The following STXBP5L variants were observed in gnomAD, a reference collection of about 807,000 sequenced individuals.
STXBP5L encodes the protein syntaxin-binding protein 5-like.
Under a neutral mutation model 144.5 loss-of-function variants are expected in STXBP5L, and 65 were observed. The ratio of observed to expected loss-of-function variants is 0.45; its 90% CI spans 0.37 to 0.55. STXBP5L has a LOEUF of 0.55. Among genes scored for constraint, STXBP5L ranks in the 20% least tolerant of loss-of-function variants. The pLI is 0.00. For synonymous variants in STXBP5L, 505 were observed against 469.6 expected, an observed-to-expected ratio of 1.08 and a Z score of -0.97; for missense variants, 1,298 against 1,405.5, an observed-to-expected ratio of 0.92 and a Z score of 1.22.
intron 2 of STXBP5L, among the ~76,000 whole-genome samples, chr3:120,922,452 T>A (rs578203058): frequency 2.0e-5 from 3 of 152,026 alleles, no homozygotes; most frequent in Non-Finnish European, 4.4e-5. Flanking sequence ...GATACCCCTT[T>A]ATTTTTTTCT....
chr3:121,007,202 G>C (rs1049599390), intron 3 of STXBP5L, among the ~76,000 whole-genome samples: 3 of 152,006 alleles, frequency 2.0e-5, no homozygotes, highest in African/African-American at 7.2e-5. Context: ...ATTTTGAATA[G>C]ATATTGAAGT....
At chr3:121,146,095 C>G (rs2045703081) in intron 7 of STXBP5L, among the ~76,000 whole-genome samples, 1 of 152,018 alleles carries the variant, frequency 6.6e-6, no homozygotes, top group African/African-American at 2.4e-5. Context: ...CAAACACAGA[C>G]TAAATTACAA....
intron 3 of STXBP5L, among the ~76,000 whole-genome samples, chr3:120,977,719 A>G (rs1172516363): frequency 5.3e-5 from 8 of 151,924 alleles, no homozygotes; most frequent in African/African-American, 1.9e-4. Context: ...TTCCTTCAGG[A>G]GCTCTTTTAG....
intron 18 of STXBP5L, among the ~76,000 whole-genome samples, chr3:121,276,850 T>C (rs1468691427): frequency 1.3e-5 from 2 of 151,922 alleles, no homozygotes; most frequent in Admixed American, 1.3e-4. Flanking sequence ...CTTGGGATCT[T>C]TAAGTTTCTA....
chr3:120,911,921 C>T (rs1559866591), intron 2 of STXBP5L, among the ~76,000 whole-genome samples: 1 of 151,962 alleles, frequency 6.6e-6, no homozygotes, highest in Non-Finnish European at 1.5e-5. Flanking sequence ...GACTCATAGA[C>T]TCCCTGATTA....
chr3:121,367,752 G>T (rs993269458), intron 20 of STXBP5L, among the ~76,000 whole-genome samples: 1 of 148,158 alleles, frequency 6.7e-6, no homozygotes, highest in Non-Finnish European at 1.5e-5. Context: ...GGGACTGTAG[G>T]CATTTGCCAC....
At chr3:120,950,712 G>C (rs1711163810) in intron 2 of STXBP5L, among the ~76,000 whole-genome samples, 1 of 152,098 alleles carries the variant, frequency 6.6e-6, no homozygotes, top group African/African-American at 2.4e-5. Context: ...TCAATATCGT[G>C]AAAATGGCCA....
chr3:121,085,654 C>G (rs756081160), intron 5 of STXBP5L, among the ~76,000 whole-genome samples: 66 of 152,164 alleles, frequency 4.3e-4, no homozygotes, highest in Middle Eastern at 3.2e-3. Flanking sequence ...CTACAAACCA[C>G]TGCTCAAGGA....
chr3:121,105,741 T>C (rs1474515234), intron 5 of STXBP5L, among the ~76,000 whole-genome samples: 1 of 152,130 alleles, frequency 6.6e-6, no homozygotes, highest in Non-Finnish European at 1.5e-5. Context: ...TGAAACTCAA[T>C]AGAACCTGTG....
At chr3:121,061,832 T>C (rs1369798201) in intron 5 of STXBP5L, among the ~76,000 whole-genome samples, 1 of 152,218 alleles carries the variant, frequency 6.6e-6, no homozygotes, top group Admixed American at 6.5e-5. Context: ...TAAATGTTCC[T>C]CCATCCCTTT....
intron 20 of STXBP5L, among the ~76,000 whole-genome samples, chr3:121,368,530 CTCTT>C (rs2045932899): frequency 6.6e-6 from 1 of 151,480 alleles, no homozygotes; most frequent in Non-Finnish European, 1.5e-5. Flanking sequence ...CCTTCCCTGT[CTCTT>C]TGTGTACATT....
At position 121,054,797 on chromosome 3, in the gene STXBP5L, A is replaced by G. The variant is rs980441270; in HGVS notation, c.470+9262A>G. On this transcript the variant is annotated intron_variant, in intron 5 of 26. Transcript: ENST00000471454. ...GTTTCTTTTTCTTTACCAGTAAAAT[A>G]TTAACCTATTTAGATCACCATATTG... 7.8e-4 allele frequency among the ~76,000 whole-genome samples: 84 copies of G among 107,434 alleles called. 1 individual carries two copies. The highest frequency in any genetic ancestry group is 5.3e-4 in the Admixed American group (5 of 9,364). 70.5% of individuals were successfully genotyped at this position (107,434 alleles called of 152,430 possible). A position where few individuals can be genotyped will look rare whatever the true frequency, so the allele number is the denominator to read the frequency against.
intron 3 of STXBP5L, among the ~76,000 whole-genome samples, chr3:120,988,012 T>C (rs1293370929): frequency 6.6e-6 from 1 of 151,866 alleles, no homozygotes; most frequent in Non-Finnish European, 1.5e-5. Flanking sequence ...TGCCTTCATC[T>C]TGGTTTAGTT....
intron 22 of STXBP5L, among the ~76,000 whole-genome samples, chr3:121,390,959 A>T (rs1223119713): frequency 6.6e-6 from 1 of 152,090 alleles, no homozygotes; most frequent in Non-Finnish European, 1.5e-5. Context: ...GTTCTCCTGG[A>T]TAATACCCTG....
chr3:121,189,056 A>G (rs1171528993), intron 9 of STXBP5L, among the ~76,000 whole-genome samples: 1 of 152,206 alleles, frequency 6.6e-6, no homozygotes, highest in Non-Finnish European at 1.5e-5. Context: ...TATACTTAGA[A>G]AACCCCATTG....
intron 3 of STXBP5L, among the ~76,000 whole-genome samples, chr3:121,032,546 G>A (rs968160645): frequency 1.4e-4 from 21 of 150,066 alleles, no homozygotes; most frequent in Admixed American, 1.1e-3. Flanking sequence ...AAAAGCAATG[G>A]CAACAAAAGC....
chr3:121,351,269 C>G (rs2045269876), intron 20 of STXBP5L, among the ~76,000 whole-genome samples: 1 of 152,240 alleles, frequency 6.6e-6, no homozygotes, highest in Admixed American at 6.5e-5. Flanking sequence ...GGCTGCAGAA[C>G]AGCGGATATT....
intron 5 of STXBP5L, among the ~76,000 whole-genome samples, chr3:121,064,070 C>A (rs1296178466): frequency 2.0e-5 from 3 of 152,166 alleles, no homozygotes; most frequent in Non-Finnish European, 4.4e-5. Context: ...TCGGTGTCTG[C>A]TCAAATGGCT....
intron 9 of STXBP5L, among the ~76,000 whole-genome samples, chr3:121,175,944 A>C (rs1038509767): frequency 1.3e-5 from 2 of 152,062 alleles, no homozygotes; most frequent in African/African-American, 2.4e-5. Flanking sequence ...ATATAAAGGA[A>C]TATTATTAGA....
Sources: gnomAD v4.1 joint callset for allele counts (sites outside exome capture counted in the v4.1 genomes callset) on GRCh38, gnomAD v4.1.1 for gene constraint, MANE v1.5 for transcripts, NCBI Gene and HGNC (gene_info 2026-07-23, HGNC 2026-07-21) for gene names.